The following RBAK variants were observed in gnomAD, a reference collection of about 807,000 sequenced individuals.
RBAK encodes the protein RB-associated KRAB zinc finger protein.
In RBAK, 39 loss-of-function variants were observed where a neutral mutation model predicts 65.8. That is an observed-to-expected ratio of 0.59 (90% confidence interval 0.46 to 0.77). The LOEUF is 0.77. RBAK is among the 30% of genes least tolerant of loss of function. RBAK has a pLI of 0.00. For synonymous variants in RBAK, 343 were observed against 289.7 expected (o/e 1.18, Z -1.87); for missense variants, 884 against 855.1 (o/e 1.03, Z -0.42).
chr7:5,062,475 G>A (rs969075182), intron 4 of RBAK, among the ~76,000 whole-genome samples: 2 of 152,116 alleles, frequency 1.3e-5, no homozygotes, highest in African/African-American at 2.4e-5. Context: ...TACTTCACAA[G>A]GTAATAGAAT....
intron 4 of RBAK, among the ~76,000 whole-genome samples, chr7:5,063,468 A>G (rs1314109817): frequency 8.5e-6 from 1 of 117,816 alleles, no homozygotes; most frequent in African/African-American, 3.2e-5. Flanking sequence ...TCTCACCTTA[A>G]TTCTTTCACT....
At chr7:5,054,264 G>A (rs1385133832) in intron 2 of RBAK, among the ~76,000 whole-genome samples, 3 of 152,032 alleles carry the variant, frequency 2.0e-5, no homozygotes, top group African/African-American at 7.2e-5. Context: ...AATTAGCCAG[G>A]CATGCTGGTA....
intron 4 of RBAK, among the ~76,000 whole-genome samples, chr7:5,058,685 G>C (rs1449238698): frequency 3.3e-5 from 5 of 152,102 alleles, no homozygotes; most frequent in Admixed American, 6.6e-5. Flanking sequence ...CCGTCTGTGT[G>C]TTCATTTCCC....
In RBAK at chr7:5,058,062, G is replaced by GGTTT. The variant is rs71535174; in HGVS notation, c.238+308_238+311dup. ...CCCTTGCCATTACAGAATTGTTTTGGGTTTGTTTGTTTGTTTGTTTGTTTG... is the reference window on the plus strand; with the variant it reads ...CCCTTGCCATTACAGAATTGTTTTGGGTTTGTTTGTTTGTTTGTTTGTTTGTTTG... On this transcript the variant is annotated intron_variant, in intron 4 of 4. Coordinates refer to ENST00000396912, the MANE Select transcript of RBAK (RefSeq NM_021163.4). Among the ~76,000 whole-genome samples, 1,173 of 150,616 alleles carry GGTTT rather than the reference G, an allele frequency of 7.8e-3. 5 individuals are homozygous for GGTTT. Among genetic ancestry groups the GGTTT allele is most frequent in the Non-Finnish European group, 0.012 (817 of 67,678 alleles).
rs770663497 is a variant in RBAK at position 5,064,376 on chromosome 7, A to G, written c.920A>G (p.His307Arg). Residue 307 changes from histidine (H) to arginine (R), a missense_variant, in exon 5 of 5, where the codon CAT (histidine) becomes CGT (arginine). Transcript: ENST00000396912. The surrounding 1 kb of genome is among the most constrained non-coding windows in gnomAD (Gnocchi z 6.3). ...AGCCAAAAGGGAACCCTCACTGTACATCGGAGATCACACTTAGAGGAGAAG... is the reference window on the plus strand; with the variant it reads ...AGCCAAAAGGGAACCCTCACTGTACGTCGGAGATCACACTTAGAGGAGAAG... ...SFSQKGTLTVHRRSHLEEKPY... is the reference protein window; with the variant it reads ...SFSQKGTLTVRRRSHLEEKPY... The G allele has an allele frequency of 1.9e-6, 3 of 1,614,074 alleles. No homozygotes were observed. The highest frequency in any genetic ancestry group is 1.1e-5 in the South Asian group (1 of 91,074).
In RBAK at chr7:5,048,570, T is replaced by A. The variant is rs1227488863; in HGVS notation, c.15+479T>A. On this transcript the variant is annotated intron_variant, in intron 2 of 4. Transcript: ENST00000396912. This position sits in a 1 kb window ranked among gnomAD's most constrained non-coding sequence, Gnocchi z 4.4. ...AGCACCAAAAATGATTTGTGAAGCT[T>A]GTATGTGTGGATAGTAGATTTTAAG... Among the ~76,000 whole-genome samples the A allele has an allele frequency of 1.3e-5, 2 of 152,220 alleles. No individual in the cohort carries two copies. Among genetic ancestry groups the A allele is most frequent in the Non-Finnish European group, 2.9e-5 (2 of 68,044 alleles).
chr7:5,057,104 A>G (rs960206156), intron 2 of RBAK, 191 bp from the exon 3 acceptor site: 3 of 215,532 alleles, frequency 1.4e-5, no homozygotes, highest in East Asian at 3.1e-4. Context: ...ATTTATATAT[A>G]TTATATATTT....
chr7:5,054,991 A>C (rs1040969798), intron 2 of RBAK, among the ~76,000 whole-genome samples: 1 of 151,810 alleles, frequency 6.6e-6, no homozygotes, highest in African/African-American at 2.4e-5. Context: ...CATGTTGACC[A>C]GGCTGGTCTT....
chr7:5,050,664 T>C (rs749061169), intron 2 of RBAK, among the ~76,000 whole-genome samples: 22 of 152,178 alleles, frequency 1.4e-4, no homozygotes, highest in Non-Finnish European at 2.8e-4. Flanking sequence ...AGCCTCAAAC[T>C]CCTGTGCTCA....
Position 5,064,521 on chromosome 7 carries a change from C to T in RBAK, c.1065C>T (p.Cys355=), listed in dbSNP as rs1325809421. ...YECSECGKTF[C]QKTHLTLHQR... is the part of the protein sequence containing the mutation. ...GTAGCGAATGTGGGAAAACCTTCTGCCAAAAGACACATCTCACCCTGCACC... is the reference window on the plus strand; with the variant it reads ...GTAGCGAATGTGGGAAAACCTTCTGTCAAAAGACACATCTCACCCTGCACC... The change falls in exon 5 of 5, where the codon TGC becomes TGT. Residue 355 remains cysteine, a synonymous_variant. Coordinates refer to ENST00000396912, the MANE Select transcript of RBAK (RefSeq NM_021163.4). The surrounding 1 kb of genome is among the most constrained non-coding windows in gnomAD (Gnocchi z 6.3). 1 of 1,613,670 alleles carries T rather than the reference C, an allele frequency of 6.2e-7. No homozygotes were observed. The highest frequency in any genetic ancestry group is 1.1e-5 in the South Asian group (1 of 91,048).
intron 2 of RBAK, among the ~76,000 whole-genome samples, chr7:5,056,580 A>C (rs1788237466): frequency 2.6e-5 from 4 of 152,196 alleles, no homozygotes; most frequent in Admixed American, 2.6e-4. Flanking sequence ...AAATTAAAAT[A>C]ATTTGATCCT....
At position 5,068,214 on chromosome 7, in the gene RBAK, C is replaced by T. The variant is rs1779268106; in HGVS notation, c.*2613C>T. On this transcript the variant is annotated 3_prime_UTR_variant, in exon 5 of 5. Transcript: ENST00000396912. ...AATTTTCAGCTTTGTCACAACTGCT[C>T]ATCTTTGCTATTGTGTGAAAGCATC... 1 of 152,034 alleles carries T rather than the reference C, an allele frequency of 6.6e-6. No individual in the cohort carries two copies. Among genetic ancestry groups the T allele is most frequent in the Non-Finnish European group, 1.5e-5 (1 of 68,012 alleles). 9.4% of individuals were successfully genotyped at this position (152,034 alleles called of 1,614,324 possible). A position where few individuals can be genotyped will look rare whatever the true frequency, so the allele number is the denominator to read the frequency against.
Position 5,065,796 on chromosome 7 carries a change from C to T in RBAK, c.*195C>T. The T allele has an allele frequency of 2.5e-6, 1 of 407,948 alleles. No homozygotes were observed. The highest frequency in any genetic ancestry group is 4.3e-6 in the Non-Finnish European group (1 of 231,508). 25.3% of individuals were successfully genotyped at this position (407,948 alleles called of 1,614,324 possible). A position where few individuals can be genotyped will look rare whatever the true frequency, so the allele number is the denominator to read the frequency against. Reference sequence around the variant, plus strand: ...CAAGAAGCAAAGCCTTCAGCAAGATCATACGACTCATCGGACACTAATTTA... The same window carrying T: ...CAAGAAGCAAAGCCTTCAGCAAGATTATACGACTCATCGGACACTAATTTA... On this transcript the variant is annotated 3_prime_UTR_variant, in exon 5 of 5. Transcript: ENST00000396912. The surrounding 1 kb of genome is among the most constrained non-coding windows in gnomAD (Gnocchi z 5.3).
At chr7:5,049,758 G>C (rs7781429) in intron 2 of RBAK, among the ~76,000 whole-genome samples, 89,879 of 151,820 alleles carry the variant, frequency 0.59, 28,379 homozygotes, top group African/African-American at 0.84. Context: ...GGGTCTTGCT[G>C]TGTCACCCAG....
At chr7:5,049,612 C>A (rs1370671422) in intron 2 of RBAK, among the ~76,000 whole-genome samples, 1 of 152,190 alleles carries the variant, frequency 6.6e-6, no homozygotes, top group Non-Finnish European at 1.5e-5. Context: ...TACTTCCAAA[C>A]TGATACTTTC....
At position 5,053,796 on chromosome 7, in the gene RBAK, G is replaced by A. The variant is rs536786953; in HGVS notation, c.16-3499G>A. 4.9e-4 allele frequency among the ~76,000 whole-genome samples: 74 copies of A among 152,270 alleles called. No homozygotes were observed. In the South Asian group the frequency reaches 8.7e-3, roughly 18 times the overall value. On this transcript the variant is annotated intron_variant, in intron 2 of 4. Coordinates refer to ENST00000396912, the MANE Select transcript of RBAK (RefSeq NM_021163.4). ...TAGTTTCTATCTGTAGAAGGTTAGC[G>A]TGGGTCTTTTTTACATCTTGCCTGT...
rs765413482 is a variant in RBAK, at chr7:5,064,824, C to T, written c.1368C>T (p.Pro456=). 9 of 1,614,038 alleles carry T rather than the reference C, an allele frequency of 5.6e-6. No individual in the cohort carries two copies. Among genetic ancestry groups the T allele is most frequent in the African/African-American group, 1.3e-5 (1 of 75,024 alleles). ...ATAGAAGTCATTTAGAAGAGAAACC[C>T]TATGAATGTAATGAATGTGGCAAAA... ...IHYRSHLEEK[P]YECNECGKTF... Residue 456 remains proline (P), a synonymous_variant, in exon 5 of 5, where the codon CCC becomes CCT. Transcript: ENST00000396912. The surrounding 1 kb of genome is among the most constrained non-coding windows in gnomAD (Gnocchi z 6.3).
intron 4 of RBAK, among the ~76,000 whole-genome samples, chr7:5,058,506 C>T (rs564422233): frequency 5.3e-5 from 8 of 152,190 alleles, no homozygotes; most frequent in African/African-American, 7.2e-5. Context: ...TTTCTGCCCT[C>T]GATTTTATTT....
In RBAK at chr7:5,047,847, C is replaced by T. The variant is rs551783893; in HGVS notation, c.-44-186C>T. Among the ~76,000 whole-genome samples the T allele has an allele frequency of 4.4e-4, 67 of 151,658 alleles. No homozygotes were observed. In the South Asian group the frequency reaches 0.012, roughly 27 times the overall value. ...AGGCGGATCACTTGAGGCCAGAATT[C>T]GAGACCAGCCTGGCCAACATGGCGA... On this transcript the variant is annotated intron_variant, in intron 1 of 4. Coordinates refer to ENST00000396912, the MANE Select transcript of RBAK (RefSeq NM_021163.4).
Sources: gnomAD v4.1 joint callset for allele counts (sites outside exome capture counted in the v4.1 genomes callset) on GRCh38, gnomAD v4.1.1 for gene constraint, Gnocchi (gnomAD v3.1) non-coding constraint, MANE v1.5 for transcripts, NCBI Gene and HGNC (gene_info 2026-07-23, HGNC 2026-07-21) for gene names.